LRRC4C: variants seen among roughly 807,000 people sequenced by gnomAD.
LRRC4C encodes leucine rich repeat containing 4C, also known as leucine-rich repeat-containing protein 4C.
In LRRC4C, 5 loss-of-function variants were observed where a neutral mutation model predicts 33.6. The ratio of observed to expected loss-of-function variants is 0.15; its 90% CI spans 0.08 to 0.31. The LOEUF (loss-of-function observed/expected upper bound fraction) is 0.31, where lower values mean the gene tolerates loss of function less well. Ranked by LOEUF, LRRC4C falls within the 10% of genes least tolerant of loss-of-function variation. The pLI, the probability that LRRC4C is intolerant of heterozygous loss-of-function variation, is 1.00. For missense variants in LRRC4C, 560 were observed against 796.7 expected (o/e 0.70, Z 3.58); for synonymous variants, 329 against 302.0 (o/e 1.09, Z -0.93).
chr11:40,990,928 A>G (rs1349804508), intron 1 of LRRC4C, among the ~76,000 whole-genome samples: 1 of 152,098 alleles, frequency 6.6e-6, no homozygotes, highest in Non-Finnish European at 1.5e-5. Flanking sequence ...TCTGAAAAAA[A>G]ATTGTACAGT....
intron 4 of LRRC4C, among the ~76,000 whole-genome samples, chr11:40,246,614 T>C (rs1301040539): frequency 6.6e-6 from 1 of 152,168 alleles, no homozygotes; most frequent in East Asian, 1.9e-4. Flanking sequence ...GAAGAAGATA[T>C]TAACTAAAAG....
chr11:41,268,663 T>C (rs1189222599), intron 1 of LRRC4C, among the ~76,000 whole-genome samples: 1 of 152,138 alleles, frequency 6.6e-6, no homozygotes, highest in Non-Finnish European at 1.5e-5. Flanking sequence ...CAGTTTGGGA[T>C]ACAAATATTA....
chr11:40,379,559 C>T (rs181787542), intron 3 of LRRC4C, among the ~76,000 whole-genome samples: 34 of 152,112 alleles, frequency 2.2e-4, no homozygotes, highest in South Asian at 1.0e-3. Context: ...CTACTTCCTC[C>T]GGTTAGTTCT....
intron 3 of LRRC4C, among the ~76,000 whole-genome samples, chr11:40,345,815 A>T (rs1240537803): frequency 6.6e-6 from 1 of 152,236 alleles, no homozygotes; most frequent in African/African-American, 2.4e-5. Context: ...CAAAGTGGTA[A>T]TATCCAGCAT....
chr11:41,200,633 T>C (rs1386368452), intron 1 of LRRC4C, among the ~76,000 whole-genome samples: 5 of 152,142 alleles, frequency 3.3e-5, no homozygotes, highest in African/African-American at 1.2e-4. Flanking sequence ...ATTTCTAGAA[T>C]AGAGTACCCA....
chr11:40,740,240 T>C (rs1435436157), intron 2 of LRRC4C, among the ~76,000 whole-genome samples: 2 of 151,972 alleles, frequency 1.3e-5, no homozygotes, highest in Non-Finnish European at 2.9e-5. Context: ...TGAACCTTCA[T>C]TGTTTTCCAT....
At chr11:40,343,170 C>T (rs1463851253) in intron 3 of LRRC4C, among the ~76,000 whole-genome samples, 1 of 152,082 alleles carries the variant, frequency 6.6e-6, no homozygotes, top group Non-Finnish European at 1.5e-5. Flanking sequence ...TAGTGGAACT[C>T]AGCTTATACA....
At chr11:40,784,992 G>T (rs1163530643) in intron 2 of LRRC4C, among the ~76,000 whole-genome samples, 1 of 152,070 alleles carries the variant, frequency 6.6e-6, no homozygotes, top group Admixed American at 6.6e-5. Flanking sequence ...GACAGAAAGA[G>T]AACATTTTAA....
chr11:40,828,806 A>G (rs1453017376), intron 2 of LRRC4C, among the ~76,000 whole-genome samples: 3 of 151,888 alleles, frequency 2.0e-5, no homozygotes, highest in Non-Finnish European at 4.4e-5. Context: ...AAATGTTATT[A>G]AGTATCTTAG....
intron 2 of LRRC4C, among the ~76,000 whole-genome samples, chr11:40,854,696 A>ATT (rs1953689717): frequency 6.6e-6 from 1 of 151,382 alleles, no homozygotes; most frequent in African/African-American, 2.4e-5. Context: ...GTAATTAAAC[A>ATT]CAAATATATT....
chr11:40,565,620 C>A (rs1312107702), intron 3 of LRRC4C, among the ~76,000 whole-genome samples: 2 of 152,138 alleles, frequency 1.3e-5, no homozygotes, highest in African/African-American at 4.8e-5. Context: ...TTGCGACATC[C>A]AATTCCTCAC....
intron 3 of LRRC4C, among the ~76,000 whole-genome samples, chr11:40,393,295 T>C (rs1565344925): frequency 6.6e-6 from 1 of 152,180 alleles, no homozygotes; most frequent in African/African-American, 2.4e-5. Context: ...ACTAATGCTT[T>C]CATTACAAAT....
chr11:40,764,145 G>A (rs1424397745), intron 2 of LRRC4C, among the ~76,000 whole-genome samples: 1 of 152,040 alleles, frequency 6.6e-6, no homozygotes, highest in Admixed American at 6.6e-5. Flanking sequence ...ATAAGGCACT[G>A]CGCTGAGTCC....
At chr11:40,119,448 G>C (rs904539650) in intron 6 of LRRC4C, among the ~76,000 whole-genome samples, 1 of 151,980 alleles carries the variant, frequency 6.6e-6, no homozygotes, top group Non-Finnish European at 1.5e-5. Flanking sequence ...ACACGATCTG[G>C]TACTGTGATT....
intron 3 of LRRC4C, among the ~76,000 whole-genome samples, chr11:40,444,094 A>G (rs1363081421): frequency 1.3e-5 from 2 of 152,142 alleles, no homozygotes; most frequent in East Asian, 3.9e-4. Context: ...TCTGACATTT[A>G]TTGAGTGTGC....
chr11:41,259,919 C>T (rs776778499), intron 1 of LRRC4C, among the ~76,000 whole-genome samples: 8 of 151,816 alleles, frequency 5.3e-5, no homozygotes, highest in South Asian at 2.1e-4. Context: ...CAATTCCCTG[C>T]GTTCTGTTAA....
intron 2 of LRRC4C, among the ~76,000 whole-genome samples, chr11:40,856,207 T>G (rs927349993): frequency 6.6e-6 from 1 of 152,158 alleles, no homozygotes; most frequent in African/African-American, 2.4e-5. Flanking sequence ...TGTGAATTCT[T>G]AAAACTGTGA....
At position 40,667,846 on chromosome 11, in the gene LRRC4C, G is replaced by A. The variant is rs12281790; in HGVS notation, c.-406-19568C>T. ...TTGTAGTAGTAGGTATCTCTGTGCA[G>A]AGGGACTAGCTAAGCTGTGCCCGGA... On this transcript the variant is annotated intron_variant, in intron 2 of 6. Coordinates refer to ENST00000528697, the MANE Select transcript of LRRC4C (RefSeq NM_001258419.2). 6.6e-3 allele frequency among the ~76,000 whole-genome samples: 1,003 copies of A among 152,330 alleles called. 17 individuals are homozygous for A. The highest frequency in any genetic ancestry group is 0.023 in the African/African-American group (948 of 41,578).
intron 5 of LRRC4C, among the ~76,000 whole-genome samples, chr11:40,195,954 A>G (rs973835014): frequency 6.6e-6 from 1 of 152,216 alleles, no homozygotes; most frequent in African/African-American, 2.4e-5. Context: ...TAATCTATAT[A>G]GTGTCCAAAG....
Sources: allele counts gnomAD v4.1 joint callset (sites outside exome capture counted in the v4.1 genomes callset), GRCh38; gene constraint gnomAD v4.1.1; transcripts MANE v1.5; gene names NCBI Gene and HGNC (gene_info 2026-07-23, HGNC 2026-07-21).